Variants in CSMD1 observed in about 807,000 individuals in gnomAD.
CSMD1 encodes CUB and sushi domain-containing protein 1.
A neutral mutation model predicts 417.5 loss-of-function variants in CSMD1; 213 were observed. The ratio of observed to expected loss-of-function variants is 0.51; its 90% confidence interval spans 0.46 to 0.57. The LOEUF (loss-of-function observed/expected upper bound fraction) is 0.57. CSMD1 is among the 20% of genes least tolerant of loss of function. CSMD1 has a pLI of 0.00. For missense variants in CSMD1, 6,923 were observed against 4,529.7 expected, an observed-to-expected ratio of 1.53 and a Z score of -15.17; for synonymous variants, 2,862 against 1,736.8, an observed-to-expected ratio of 1.65 and a Z score of -16.11.
intron 6 of CSMD1, among the ~76,000 whole-genome samples, chr8:3,711,639 C>G (rs924336868): frequency 1.2e-4 from 18 of 152,256 alleles, no homozygotes; most frequent in African/African-American, 3.1e-4. Context: ...AAAGGGAACA[C>G]GAGATGGGGT....
intron 3 of CSMD1, among the ~76,000 whole-genome samples, chr8:4,102,053 T>A (rs1801331639): frequency 6.6e-6 from 1 of 152,212 alleles, no homozygotes; most frequent in African/African-American, 2.4e-5. Context: ...GTCAGTCTTC[T>A]GAGATCAGCA....
At chr8:3,601,269 G>A (rs1385038649) in intron 8 of CSMD1, among the ~76,000 whole-genome samples, 2 of 152,166 alleles carry the variant, frequency 1.3e-5, no homozygotes, top group Admixed American at 1.3e-4. Context: ...AGATTTGGTA[G>A]GATTTTTGCT....
intron 3 of CSMD1, among the ~76,000 whole-genome samples, chr8:4,412,813 C>T (rs769612526): frequency 6.6e-6 from 1 of 152,158 alleles, no homozygotes; most frequent in Non-Finnish European, 1.5e-5. Flanking sequence ...TTAACTCACT[C>T]TAGGCCTGTA....
rs540223280 is a variant in CSMD1, at chr8:3,711,796, A to G, written c.932-3305T>C. ...TAACTTTATCTTGAAGTTACTCAGG[A>G]GAGAGGAGATGAATGCACAATAAAT... On this transcript the variant is annotated intron_variant, in intron 6 of 69. Coordinates refer to ENST00000635120, the MANE Select transcript of CSMD1 (RefSeq NM_033225.6). 4.6e-5 allele frequency among the ~76,000 whole-genome samples: 7 copies of G among 152,322 alleles called. No individual in the cohort carries two copies. The South Asian group carries it at 1.4e-3, about 32-fold the overall frequency.
chr8:3,291,111 A>C (rs778557381), intron 25 of CSMD1, among the ~76,000 whole-genome samples: 2 of 152,144 alleles, frequency 1.3e-5, no homozygotes, highest in Non-Finnish European at 2.9e-5. Context: ...GGTTCTGTTT[A>C]TATGCTAGAT....
At chr8:4,078,926 T>TATAC in intron 3 of CSMD1, among the ~76,000 whole-genome samples, 1 of 25,884 alleles carries the variant, frequency 3.9e-5, no homozygotes, top group Non-Finnish European at 1.2e-4. Flanking sequence ...TATATATATA[T>TATAC]ATATATATAT....
At chr8:3,978,481 T>C (rs547753403) in intron 5 of CSMD1, among the ~76,000 whole-genome samples, 1 of 152,334 alleles carries the variant, frequency 6.6e-6, no homozygotes, top group African/African-American at 2.4e-5. Flanking sequence ...TCCATGAATA[T>C]GGGGACTTTA....
At chr8:3,365,008 C>G (rs973522562) in intron 20 of CSMD1, among the ~76,000 whole-genome samples, 3 of 152,162 alleles carry the variant, frequency 2.0e-5, no homozygotes, top group African/African-American at 7.2e-5. Context: ...AGACTTGCGT[C>G]ACTGCCATTT....
chr8:2,951,291 A>C lies in CSMD1; in HGVS notation c.10040-16T>G. The C allele has an allele frequency of 6.3e-7, 1 of 1,591,728 alleles. No homozygotes were observed. Among genetic ancestry groups the C allele is most frequent in the Non-Finnish European group, 8.6e-7 (1 of 1,168,680 alleles). On this transcript the variant is annotated splice_polypyrimidine_tract_variant and intron_variant, in intron 65 of 69. Coordinates refer to ENST00000635120, the MANE Select transcript of CSMD1 (RefSeq NM_033225.6). ...TCTGAAGGAACTGTGGGAAGGGGGGAAACAGACCAATGTCAGCACACACAC... is the reference window on the plus strand; with the variant it reads ...TCTGAAGGAACTGTGGGAAGGGGGGCAACAGACCAATGTCAGCACACACAC...
intron 2 of CSMD1, among the ~76,000 whole-genome samples, chr8:4,555,452 C>G (rs1798048376): frequency 6.6e-6 from 1 of 152,098 alleles, no homozygotes; most frequent in South Asian, 2.1e-4. Context: ...TCAAGGACCT[C>G]ACAAATCAGG....
chr8:4,122,368 T>G (rs950902553), intron 3 of CSMD1, among the ~76,000 whole-genome samples: 1 of 152,182 alleles, frequency 6.6e-6, no homozygotes, highest in East Asian at 1.9e-4. Context: ...ATATACTCAG[T>G]GCCAACAATT....
At position 3,507,267 on chromosome 8, in the gene CSMD1, G is replaced by A. The variant is rs117169197; in HGVS notation, c.1345-13541C>T. Reference sequence around the variant, plus strand: ...TGTAGAAGTAAAAAGGAAAACTTCTGCCTTTACTCATCTCATTACTAAGAA... The same window carrying A: ...TGTAGAAGTAAAAAGGAAAACTTCTACCTTTACTCATCTCATTACTAAGAA... On this transcript the variant is annotated intron_variant, in intron 10 of 69. Transcript: ENST00000635120. 0.019 allele frequency among the ~76,000 whole-genome samples: 2,843 copies of A among 152,144 alleles called. 149 individuals are homozygous for A. In the East Asian group the frequency reaches 0.2, roughly 11 times the overall value.
At position 3,307,762 on chromosome 8, in the gene CSMD1, G is replaced by C. The variant is rs372106806; in HGVS notation, c.3883C>G (p.Pro1295Ala). 1 of 1,613,698 alleles carries C rather than the reference G, an allele frequency of 6.2e-7. No individual in the cohort carries two copies. Among genetic ancestry groups the C allele is most frequent in the Non-Finnish European group, 8.5e-7 (1 of 1,179,712 alleles). The change falls in exon 25 of 70, where the codon CCA (proline) becomes GCA (alanine). Residue 1295 changes from proline (P) to alanine (A), a missense_variant. Physicochemically the swap from Pro to Ala is conservative, Grantham distance 27. Transcript: ENST00000635120. ...TGGAGGTTGTTGTCATACGGAGCTG[G>C]ATAGCCAGGGGACAATATTCGTCCT... ...TSGRILSPGY[P>A]APYDNNLHCT...
At chr8:4,175,236 C>A (rs1174592055) in intron 3 of CSMD1, among the ~76,000 whole-genome samples, 1 of 152,076 alleles carries the variant, frequency 6.6e-6, no homozygotes, top group Non-Finnish European at 1.5e-5. Flanking sequence ...CTCACAATGT[C>A]AACCAATTAA....
intron 5 of CSMD1, among the ~76,000 whole-genome samples, chr8:3,801,897 A>G (rs548993018): frequency 2.0e-5 from 3 of 152,250 alleles, no homozygotes; most frequent in African/African-American, 4.8e-5. Context: ...GAGATCTCAT[A>G]TAATACCCAA....
intron 20 of CSMD1, 60 bp downstream of exon 20, chr8:3,366,972 A>T: frequency 7.8e-7 from 1 of 1,287,316 alleles, no homozygotes. Context: ...ACACATTCTC[A>T]CTAACAGAAA....
At chr8:3,663,308 A>G (rs913687281) in intron 7 of CSMD1, among the ~76,000 whole-genome samples, 7 of 152,192 alleles carry the variant, frequency 4.6e-5, no homozygotes, top group Non-Finnish European at 1.0e-4. Context: ...GCAGTAGAAT[A>G]TATTTTTCAG....
chr8:3,268,287 C>CTTTTTTTTTTTTTTTTTTTTTTTTTTTTT (rs1172040830), intron 26 of CSMD1, among the ~76,000 whole-genome samples: 3 of 114,652 alleles, frequency 2.6e-5, no homozygotes, highest in Admixed American at 1.0e-4. Flanking sequence ...GGTTCATTTC[C>CTTTTTTTTTTTTTTTTTTTTTTTTTTTTT]TATTTTTTTT....
In CSMD1 at chr8:3,104,756, G is replaced by A. The variant is rs1299059967; in HGVS notation, c.6949+1772C>T. Among the ~76,000 whole-genome samples, 5 of 144,996 alleles carry A rather than the reference G, an allele frequency of 3.4e-5. No individual in the cohort carries two copies. In the South Asian group the frequency reaches 6.5e-4, roughly 19 times the overall value. Reference sequence around the variant, plus strand: ...AGAGTTTTGCTGTGTCTCCCAGGCTGGAGAGCAATGGCAAGATCTCGGCTC... The same window carrying A: ...AGAGTTTTGCTGTGTCTCCCAGGCTAGAGAGCAATGGCAAGATCTCGGCTC... On this transcript the variant is annotated intron_variant, in intron 46 of 69. Coordinates refer to ENST00000635120, the MANE Select transcript of CSMD1 (RefSeq NM_033225.6).
Sources: allele counts gnomAD v4.1 joint callset (sites outside exome capture counted in the v4.1 genomes callset), GRCh38; gene constraint gnomAD v4.1.1; transcripts MANE v1.5; gene names NCBI Gene and HGNC (gene_info 2026-07-23, HGNC 2026-07-21).